The following SIPA1L3 variants were observed in gnomAD, a reference collection of about 807,000 sequenced individuals.
The protein encoded by SIPA1L3 is signal-induced proliferation-associated 1-like protein 3.
A neutral mutation model predicts 150.1 loss-of-function variants in SIPA1L3; 59 were observed. The observed-to-expected ratio is 0.39, with a 90% CI of 0.32 to 0.49. The LOEUF (loss-of-function observed/expected upper bound fraction) is 0.49, where lower values mean the gene tolerates loss of function less well. SIPA1L3 is among the 20% of genes least tolerant of loss of function. The pLI is 0.86. For missense variants in SIPA1L3, 2,211 were observed against 2,489.5 expected (o/e 0.89, Z 2.38); for synonymous variants, 1,070 against 1,077.6 (o/e 0.99, Z 0.14).
intron 1 of SIPA1L3, among the ~76,000 whole-genome samples, chr19:37,942,705 C>T (rs977139481): frequency 6.6e-6 from 1 of 151,864 alleles, no homozygotes; most frequent in Non-Finnish European, 1.5e-5. Context: ...AGTAGAGTCC[C>T]GGATGAGAGT....
At chr19:38,009,466 G>A (rs1489320405) in intron 1 of SIPA1L3, among the ~76,000 whole-genome samples, 1 of 152,178 alleles carries the variant, frequency 6.6e-6, no homozygotes, top group Non-Finnish European at 1.5e-5. Context: ...CCTCAGACAT[G>A]AGGAGTCGAG....
At chr19:38,079,295 T>C (rs1213576134) in intron 2 of SIPA1L3, among the ~76,000 whole-genome samples, 2 of 152,212 alleles carry the variant, frequency 1.3e-5, no homozygotes, top group Non-Finnish European at 2.9e-5. Context: ...ATCGCGCCAC[T>C]GTACTCCAGC....
chr19:38,038,949 T>A (rs977821823), intron 2 of SIPA1L3, among the ~76,000 whole-genome samples: 44 of 152,306 alleles, frequency 2.9e-4, no homozygotes, highest in African/African-American at 9.6e-4. Flanking sequence ...AGTGGCACAA[T>A]CTTGGCTCAC....
intron 1 of SIPA1L3, among the ~76,000 whole-genome samples, chr19:37,989,347 G>C (rs1967440925): frequency 6.6e-6 from 1 of 152,100 alleles, no homozygotes; most frequent in Non-Finnish European, 1.5e-5. Context: ...AGCCTCCTGA[G>C]TAGCTGAGAC....
intron 1 of SIPA1L3, among the ~76,000 whole-genome samples, chr19:37,908,394 T>TC (rs2046352960): frequency 6.6e-6 from 1 of 152,244 alleles, no homozygotes; most frequent in African/African-American, 2.4e-5. Context: ...TTCAATATTC[T>TC]CCATCTGGCC....
At position 38,046,787 on chromosome 19, in the gene SIPA1L3, C is replaced by T. The variant is rs377194864; in HGVS notation, c.-311+17631C>T. ...TGTCAGTTGCTCAGTAAGTGGAGGG[C>T]TTTGCTGTCCCTTCTGCTGTACCCA... On this transcript the variant is annotated intron_variant, in intron 2 of 21. Transcript: ENST00000222345. This position sits in a 1 kb window ranked among gnomAD's most constrained non-coding sequence, Gnocchi z 5.6. Among the ~76,000 whole-genome samples the T allele has an allele frequency of 1.3e-3, 197 of 152,316 alleles. 1 individual carries two copies. The highest frequency in any genetic ancestry group is 4.6e-3 in the African/African-American group (193 of 41,576).
chr19:38,155,767 G>A (rs1052683992), intron 13 of SIPA1L3, among the ~76,000 whole-genome samples: 36 of 152,116 alleles, frequency 2.4e-4, no homozygotes, highest in African/African-American at 8.2e-4. Flanking sequence ...GTGGCCTGGA[G>A]AATTCCTCAA....
At chr19:37,956,489 T>TG (rs892012788) in intron 1 of SIPA1L3, among the ~76,000 whole-genome samples, 1 of 147,716 alleles carries the variant, frequency 6.8e-6, no homozygotes, top group Non-Finnish European at 1.5e-5. Context: ...AAAGTTTTGT[T>TG]TTTTTTTTTT....
At position 37,943,990 on chromosome 19, in the gene SIPA1L3, T is replaced by A. The variant is rs1292153642; in HGVS notation, c.-379+36632T>A. Among the ~76,000 whole-genome samples, 8 of 152,104 alleles carry A rather than the reference T, an allele frequency of 5.3e-5. No individual in the cohort carries two copies. In the East Asian group the frequency reaches 1.3e-3, roughly 26 times the overall value. On this transcript the variant is annotated intron_variant, in intron 1 of 21. Transcript: ENST00000222345. ...AACCCGTTCCAACAGCAGAGCAGTA[T>A]GTAGAGAAAGCATGGGCCGGACACG...
Position 38,177,743 on chromosome 19 carries a change from C to A in SIPA1L3, c.4209-4776C>A, listed in dbSNP as rs1046284625. On this transcript the variant is annotated intron_variant, in intron 15 of 21. Transcript: ENST00000222345. ...GTTTTTGATCATAAGGATATGCTTG[C>A]GGCAGGGCGCAGTGGCTCATGCCTG... is the stretch of plus-strand genomic sequence containing the variant. Among the ~76,000 whole-genome samples the A allele has an allele frequency of 2.8e-4, 42 of 149,764 alleles. 1 individual carries two copies. The highest frequency in any genetic ancestry group is 2.8e-3 in the Admixed American group (42 of 15,012).
chr19:38,008,621 A>T (rs2039387016), intron 1 of SIPA1L3, among the ~76,000 whole-genome samples: 1 of 151,704 alleles, frequency 6.6e-6, no homozygotes, highest in African/African-American at 2.4e-5. Context: ...CAATGATGGG[A>T]TCATAGCTCG....
At chr19:38,178,761 C>A (rs1461932380) in intron 15 of SIPA1L3, among the ~76,000 whole-genome samples, 1 of 152,156 alleles carries the variant, frequency 6.6e-6, no homozygotes, top group African/African-American at 2.4e-5. Context: ...CAGGCATGAG[C>A]TACCACACCC....
rs75276679 is a variant in SIPA1L3, at chr19:38,197,067, A to G, written c.4841-1322A>G. ...AGCTGGAAGCCATGTGAGCCCAGGC[A>G]AGGCAGCGCCTCGCTCGGGTCTCAG... On this transcript the variant is annotated intron_variant, in intron 18 of 21. Coordinates refer to ENST00000222345, the MANE Select transcript of SIPA1L3 (RefSeq NM_015073.3). 4.7e-3 allele frequency among the ~76,000 whole-genome samples: 720 copies of G among 152,248 alleles called. 9 individuals are homozygous for G. The highest frequency in any genetic ancestry group is 0.017 in the African/African-American group (696 of 41,522).
At chr19:38,078,459 C>A (rs1332358527) in intron 2 of SIPA1L3, among the ~76,000 whole-genome samples, 1 of 150,692 alleles carries the variant, frequency 6.6e-6, no homozygotes, top group Non-Finnish European at 1.5e-5. Context: ...CACACACACA[C>A]ACACACACAC....
At chr19:38,172,447 C>T (rs149425770) in intron 15 of SIPA1L3, among the ~76,000 whole-genome samples, 41 of 152,232 alleles carry the variant, frequency 2.7e-4, no homozygotes, top group Admixed American at 9.8e-4. Context: ...GACAGACAGC[C>T]GAACCACCGT....
rs1446941650 is a variant in SIPA1L3 at position 38,084,681 on chromosome 19, C to G, written c.1534+1582C>G. Reference sequence around the variant, plus strand: ...AGGCAGTCTCGCTCTGTCGCCTCGCCCAGGCTGGAGTACAGTGGCGCGATC... The same window carrying G: ...AGGCAGTCTCGCTCTGTCGCCTCGCGCAGGCTGGAGTACAGTGGCGCGATC... On this transcript the variant is annotated intron_variant, in intron 3 of 21. Transcript: ENST00000222345. 5.4e-5 allele frequency among the ~76,000 whole-genome samples: 8 copies of G among 148,626 alleles called. No homozygotes were observed. In the East Asian group the frequency reaches 1.4e-3, roughly 25 times the overall value.
intron 15 of SIPA1L3, among the ~76,000 whole-genome samples, chr19:38,172,385 G>A (rs989238953): frequency 6.6e-5 from 10 of 152,164 alleles, no homozygotes; most frequent in African/African-American, 9.7e-5. Flanking sequence ...GCCAGGTGTC[G>A]CAGCATCCTT....
Position 38,082,283 on chromosome 19 carries a change from G to C in SIPA1L3, c.718G>C (p.Glu240Gln), listed in dbSNP as rs771991482. ...CGCCCGAGGGTGCCAGGCCCTCACC[G>C]AGCTCCTCCGGGCAGATCCTGGCCC... ...PDARGCQALT[E>Q]LLRADPGPHL... The change falls in exon 3 of 22, where the codon GAG becomes CAG. Residue 240 changes from glutamate (E) to glutamine (Q), a missense_variant. This residue lies in a region of SIPA1L3 where 587 missense variants were observed against 534.5 expected (regional missense o/e 1.10). Transcript: ENST00000222345. The C allele has an allele frequency of 6.2e-7, 1 of 1,600,038 alleles. No homozygotes were observed. Among genetic ancestry groups the C allele is most frequent in the South Asian group, 1.1e-5 (1 of 91,024 alleles).
intron 1 of SIPA1L3, chr19:37,908,046 C>G (rs893866612): frequency 6.6e-6 from 1 of 152,204 alleles, no homozygotes; most frequent in Non-Finnish European, 1.5e-5. Context: ...ACCACTTCGT[C>G]GAGTTGTTTT....
Sources: gnomAD v4.1 joint callset for allele counts (sites outside exome capture counted in the v4.1 genomes callset) on GRCh38, gnomAD v4.1.1 for gene constraint, gnomAD v4.1.1 regional missense constraint, Gnocchi (gnomAD v3.1) non-coding constraint, MANE v1.5 for transcripts, NCBI Gene and HGNC (gene_info 2026-07-23, HGNC 2026-07-21) for gene names.